HGH1: variants seen among roughly 807,000 people sequenced by gnomAD.
The protein encoded by HGH1 is co-chaperone protein HGH1 homolog.
HGH1 carries 31 observed loss-of-function variants against 31.7 expected under a neutral mutation model. That is an observed-to-expected ratio of 0.98 (90% CI 0.73 to 1.32). The LOEUF (loss-of-function observed/expected upper bound fraction) is 1.32. HGH1 is among the 40% of genes most tolerant of loss of function. The pLI, the probability that HGH1 is intolerant of heterozygous loss-of-function variation, is 0.00. For synonymous variants in HGH1, 284 were observed against 293.6 expected, an observed-to-expected ratio of 0.97 and a Z score of 0.34; for missense variants, 618 against 594.4, an observed-to-expected ratio of 1.04 and a Z score of -0.41.
At chr8:144,138,630 G>T (rs1285996416) in intron 2 of HGH1, 23 bp downstream of exon 2, 1 of 1,603,844 alleles carries the variant, frequency 6.2e-7, no homozygotes, top group African/African-American at 1.3e-5. Flanking sequence ...TGTGGCGGGG[G>T]TGCGTTGCCA....
In HGH1 at chr8:144,138,245, C is replaced by A; in HGVS notation, c.410C>A (p.Pro137Gln). The A allele has an allele frequency of 7.1e-7, 1 of 1,400,102 alleles. No homozygotes were observed. The allele number at this position is 1,400,102 out of a possible 1,614,324, so 86.7% of individuals were successfully genotyped here. The change falls in exon 1 of 6, where the codon CCG becomes CAG. Residue 137 changes from proline to glutamine, a missense_variant. Transcript: ENST00000347708. ...ALANLSREPA[P>Q]CAALMAALAA... ...GCCAACCTCAGTCGCGAGCCGGCGC[C>A]GTGTGCAGCGCTCATGGCGGCGCTG...
In HGH1 at chr8:144,140,149, C is replaced by G. The variant is rs1815169222; in HGVS notation, c.*597C>G. 6.2e-6 allele frequency: 1 copy of G among 161,848 alleles called. No individual in the cohort carries two copies. The highest frequency in any genetic ancestry group is 1.4e-5 in the Non-Finnish European group (1 of 73,050). The allele number at this position is 161,848 out of a possible 1,614,324, so 10.0% of individuals were successfully genotyped here. A position where few individuals can be genotyped will look rare whatever the true frequency, so the allele number is the denominator to read the frequency against. The stretch of plus-strand genomic sequence containing the variant: ...ACCCTTGTCAGCTCCCTAAGTCTTC[C>G]TGTTTCCCAGTCTCAGATTGAGTGG... On this transcript the variant is annotated 3_prime_UTR_variant, in exon 6 of 6. Transcript: ENST00000347708.
In HGH1 at chr8:144,137,839, G is replaced by T; in HGVS notation, c.4G>T (p.Gly2Trp). ...TGGCAGCAGAGTGTCGCTCGACATG[G>T]GGGAGGCCGGGGCTGGCGCTGGCGC... is the stretch of plus-strand genomic sequence containing the variant. M[G>W]EAGAGAGASG... is the part of the protein sequence containing the mutation. The change falls in exon 1 of 6, where the codon GGG (glycine) becomes TGG (tryptophan). Residue 2 changes from glycine (G) to tryptophan (W), a missense_variant. Physicochemically the swap from Gly to Trp is radical, Grantham distance 184. Coordinates refer to ENST00000347708, the MANE Select transcript of HGH1 (RefSeq NM_016458.4). 7.8e-7 allele frequency: 1 copy of T among 1,281,454 alleles called. No individual in the cohort carries two copies. The highest frequency in any genetic ancestry group is 9.8e-7 in the Non-Finnish European group (1 of 1,016,098). 79.4% of individuals were successfully genotyped at this position (1,281,454 alleles called of 1,614,324 possible).
chr8:144,139,246 C>T lies in HGH1; in HGVS notation c.943C>T (p.Leu315Phe), dbSNP rs1487911460. 2.5e-6 allele frequency: 4 copies of T among 1,613,862 alleles called. No homozygotes were observed. Among genetic ancestry groups the T allele is most frequent in the East Asian group, 2.2e-5 (1 of 44,904 alleles). ...QVRDQGAYLI[L>F]RELHSWEPEP... is the part of the protein sequence containing the mutation. ...GCGGGACCAGGGAGCCTACCTGATC[C>T]TTCGAGAGCTGCACAGCTGGGAGCC... Residue 315 changes from leucine (L) to phenylalanine (F), a missense_variant, in exon 5 of 6, where the codon CTT (leucine) becomes TTT (phenylalanine). Physicochemically the swap from Leu to Phe is conservative, Grantham distance 22. Coordinates refer to ENST00000347708, the MANE Select transcript of HGH1 (RefSeq NM_016458.4).
chr8:144,139,659 C>T lies in HGH1; in HGVS notation c.*107C>T. 1 of 1,456,212 alleles carries T rather than the reference C, an allele frequency of 6.9e-7. No individual in the cohort carries two copies. Among genetic ancestry groups the T allele is most frequent in the Non-Finnish European group, 9.3e-7 (1 of 1,078,876 alleles). The allele number at this position is 1,456,212 out of a possible 1,614,324, so 90.2% of individuals were successfully genotyped here. A position where few individuals can be genotyped will look rare whatever the true frequency, so the allele number is the denominator to read the frequency against. ...CCCCCTGGGTCCCCTTGTTCAGAGA[C>T]TGTGCTCTTCTGAGAAGCAGAGCTA... On this transcript the variant is annotated 3_prime_UTR_variant, in exon 6 of 6. Coordinates refer to ENST00000347708, the MANE Select transcript of HGH1 (RefSeq NM_016458.4).
chr8:144,139,407 C>T lies in HGH1; in HGVS notation c.1028C>T (p.Pro343Leu). The change falls in exon 6 of 6, where the codon CCT (proline) becomes CTT (leucine). Residue 343 changes from proline to leucine, a missense_variant. Physicochemically the swap from Pro to Leu is moderately conservative, Grantham distance 98 (BLOSUM62 -3). Transcript: ENST00000347708. ...KLIQVLIGDEPERGMENLLEV... is the reference protein window; with the variant it reads ...KLIQVLIGDELERGMENLLEV... ...TGGCAGGTGCTTATTGGGGACGAGC[C>T]TGAACGTGGCATGGAAAACCTGCTG... The T allele has an allele frequency of 1.2e-6, 2 of 1,612,564 alleles. No homozygotes were observed. The highest frequency in any genetic ancestry group is 1.3e-5 in the African/African-American group (1 of 75,038).
At position 144,138,257 on chromosome 8, in the gene HGH1, T is replaced by C. The variant is rs1300661476; in HGVS notation, c.422T>C (p.Leu141Pro). 7.0e-7 allele frequency: 1 copy of C among 1,438,756 alleles called. No individual in the cohort carries two copies. The highest frequency in any genetic ancestry group is 1.5e-5 in the African/African-American group (1 of 66,116). The allele number at this position is 1,438,756 out of a possible 1,614,324, so 89.1% of individuals were successfully genotyped here. Reference protein sequence around the residue: ...LSREPAPCAALMAALAAAEPA... With the variant: ...LSREPAPCAAPMAALAAAEPA... The stretch of plus-strand genomic sequence containing the variant: ...CGCGAGCCGGCGCCGTGTGCAGCGC[T>C]CATGGCGGCGCTGGCGGCCGCGGAG... The change falls in exon 1 of 6, where the codon CTC becomes CCC. Residue 141 changes from leucine (L) to proline (P), a missense_variant. Coordinates refer to ENST00000347708, the MANE Select transcript of HGH1 (RefSeq NM_016458.4).
chr8:144,138,507 G>A lies in HGH1; in HGVS notation c.594G>A (p.Arg198=). The A allele has an allele frequency of 6.2e-7, 1 of 1,609,782 alleles. No individual in the cohort carries two copies. The highest frequency in any genetic ancestry group is 2.2e-5 in the East Asian group (1 of 44,800). ...AARAFLLDPD[R]CVVQRLLPLT... ...GGCCCTAAGTGACACCTCCCAACAG[G>A]TGCGTGGTCCAGCGGCTGCTGCCCC... Residue 198 remains arginine (R), a splice_region_variant and synonymous_variant, in exon 2 of 6, where the codon AGG becomes AGA. Coordinates refer to ENST00000347708, the MANE Select transcript of HGH1 (RefSeq NM_016458.4).
chr8:144,139,804 G>T lies in HGH1; in HGVS notation c.*252G>T, dbSNP rs1280901337. The stretch of plus-strand genomic sequence containing the variant: ...TAGGCACCGTGACTCGGCTGCCTGT[G>T]CAGAAGGTGGAGGTGGCAGGCGGAT... On this transcript the variant is annotated 3_prime_UTR_variant, in exon 6 of 6. Transcript: ENST00000347708. 4.9e-5 allele frequency: 30 copies of T among 613,900 alleles called. No individual in the cohort carries two copies. The highest frequency in any genetic ancestry group is 4.8e-4 in the Admixed American group (16 of 32,996). 38.0% of individuals were successfully genotyped at this position (613,900 alleles called of 1,614,324 possible).
chr8:144,138,290 A>T lies in HGH1; in HGVS notation c.455A>T (p.Asp152Val). The T allele has an allele frequency of 2.7e-6, 4 of 1,501,928 alleles. No homozygotes were observed. The highest frequency in any genetic ancestry group is 3.5e-6 in the Non-Finnish European group (4 of 1,135,348). 93.0% of individuals were successfully genotyped at this position (1,501,928 alleles called of 1,614,324 possible). The stretch of plus-strand genomic sequence containing the variant: ...GCGCTGGCGGCCGCGGAGCCGGCAG[A>T]CTCGGGCCTGGAGCGGCTGGTGCGC... Reference protein sequence around the residue: ...MAALAAAEPADSGLERLVRAL... With the variant: ...MAALAAAEPAVSGLERLVRAL... Residue 152 changes from aspartate (D) to valine (V), a missense_variant, in exon 1 of 6, where the codon GAC becomes GTC. By Grantham distance (152) the Asp-to-Val change is radical. Coordinates refer to ENST00000347708, the MANE Select transcript of HGH1 (RefSeq NM_016458.4).
Position 144,139,642 on chromosome 8 carries a change from G to A in HGH1, c.*90G>A. 1 of 1,523,538 alleles carries A rather than the reference G, an allele frequency of 6.6e-7. No homozygotes were observed. Among genetic ancestry groups the A allele is most frequent in the South Asian group, 1.2e-5 (1 of 83,268 alleles). 94.4% of individuals were successfully genotyped at this position (1,523,538 alleles called of 1,614,324 possible). On this transcript the variant is annotated 3_prime_UTR_variant, in exon 6 of 6. Transcript: ENST00000347708. ...CTGCAGCTGTCTGCAGGCCCCCTGG[G>A]TCCCCTTGTTCAGAGACTGTGCTCT...
intron 4 of HGH1, 43 bp from the exon 5 acceptor site, chr8:144,139,146 C>T: frequency 3.7e-6 from 6 of 1,614,018 alleles, no homozygotes; most frequent in Non-Finnish European, 5.1e-6. Flanking sequence ...AACACACACA[C>T]ATGAGCATGC....
chr8:144,137,960 T>C lies in HGH1; in HGVS notation c.125T>C (p.Val42Ala). Reference protein sequence around the residue: ...GARADLQAAAVRHVLALTGCG... With the variant: ...GARADLQAAAARHVLALTGCG... The stretch of plus-strand genomic sequence containing the variant: ...CGGGCGGACCTGCAGGCGGCGGCGG[T>C]GCGGCACGTGCTGGCGCTGACTGGC... Residue 42 changes from valine (V) to alanine (A), a missense_variant, in exon 1 of 6, where the codon GTG (valine) becomes GCG (alanine). Transcript: ENST00000347708. 1 of 1,334,124 alleles carries C rather than the reference T, an allele frequency of 7.5e-7. No homozygotes were observed. Among genetic ancestry groups the C allele is most frequent in the Non-Finnish European group, 9.6e-7 (1 of 1,045,100 alleles). 82.6% of individuals were successfully genotyped at this position (1,334,124 alleles called of 1,614,324 possible).
In HGH1 at chr8:144,138,626, G is replaced by A; in HGVS notation, c.694+19G>A. ...GAGCACCGTGAGTGGTGGGTGTGGCGGGGGTGCGTTGCCAGGTGTGGGGAC... is the reference window on the plus strand; with the variant it reads ...GAGCACCGTGAGTGGTGGGTGTGGCAGGGGTGCGTTGCCAGGTGTGGGGAC... On this transcript the variant is annotated intron_variant, in intron 2 of 5. Coordinates refer to ENST00000347708, the MANE Select transcript of HGH1 (RefSeq NM_016458.4). 7 of 1,603,616 alleles carry A rather than the reference G, an allele frequency of 4.4e-6. No homozygotes were observed. Among genetic ancestry groups the A allele is most frequent in the Non-Finnish European group, 6.0e-6 (7 of 1,174,998 alleles).
chr8:144,139,742 A>G lies in HGH1; in HGVS notation c.*190A>G. 1 of 817,586 alleles carries G rather than the reference A, an allele frequency of 1.2e-6. No homozygotes were observed. The allele number at this position is 817,586 out of a possible 1,614,324, so 50.6% of individuals were successfully genotyped here. ...TCCAGCCCTGTGCAGTGTTGCTACC[A>G]GCAAGAATGAAGGTTGTGCAGAGCA... On this transcript the variant is annotated 3_prime_UTR_variant, in exon 6 of 6. Coordinates refer to ENST00000347708, the MANE Select transcript of HGH1 (RefSeq NM_016458.4).
At position 144,137,868 on chromosome 8, in the gene HGH1, G is replaced by A. The variant is rs1187902240; in HGVS notation, c.33G>A (p.Ser11=). 19 of 1,296,602 alleles carry A rather than the reference G, an allele frequency of 1.5e-5. No individual in the cohort carries two copies. Among genetic ancestry groups the A allele is most frequent in the Non-Finnish European group, 1.8e-5 (18 of 1,025,156 alleles). 80.3% of individuals were successfully genotyped at this position (1,296,602 alleles called of 1,614,324 possible). ...AGGCCGGGGCTGGCGCTGGCGCCTC[G>A]GGAGGGCCGGAGGCAAGCCCGGAGG... MGEAGAGAGA[S]GGPEASPEAE... The change falls in exon 1 of 6, where the codon TCG becomes TCA. Residue 11 remains serine, a synonymous_variant. Transcript: ENST00000347708.
In HGH1 at chr8:144,139,835, G is replaced by T; in HGVS notation, c.*283G>T. 1.7e-6 allele frequency: 1 copy of T among 574,190 alleles called. No homozygotes were observed. Among genetic ancestry groups the T allele is most frequent in the East Asian group, 3.0e-5 (1 of 33,482 alleles). 35.6% of individuals were successfully genotyped at this position (574,190 alleles called of 1,614,324 possible). ...GGTGGAGGTGGCAGGCGGATGGCCA[G>T]GGAGCCATGAGAAGACTCTTCCTGG... On this transcript the variant is annotated 3_prime_UTR_variant, in exon 6 of 6. Coordinates refer to ENST00000347708, the MANE Select transcript of HGH1 (RefSeq NM_016458.4).
chr8:144,138,111 C>T lies in HGH1; in HGVS notation c.276C>T (p.Pro92=). 7.5e-7 allele frequency: 1 copy of T among 1,330,826 alleles called. No individual in the cohort carries two copies. Among genetic ancestry groups the T allele is most frequent in the South Asian group, 1.7e-5 (1 of 58,442 alleles). The allele number at this position is 1,330,826 out of a possible 1,614,324, so 82.4% of individuals were successfully genotyped here. A position where few individuals can be genotyped will look rare whatever the true frequency, so the allele number is the denominator to read the frequency against. The change falls in exon 1 of 6, where the codon CCC becomes CCT. Residue 92 remains proline (P), a synonymous_variant. Transcript: ENST00000347708. ...CGCTCGTGAACTTGGCCGCCGACCC[C>T]GGCCTGCACGAGACATTGCTGGCGG... is the stretch of plus-strand genomic sequence containing the variant. ...ARALVNLAAD[P]GLHETLLAAD...
At position 144,138,314 on chromosome 8, in the gene HGH1, G is replaced by A; in HGVS notation, c.479G>A (p.Arg160His). ...GACTCGGGCCTGGAGCGGCTGGTGC[G>A]CGCGCTGTGCACGCCCGGCTACAAC... is the stretch of plus-strand genomic sequence containing the variant. ...PADSGLERLV[R>H]ALCTPGYNAR... The change falls in exon 1 of 6, where the codon CGC becomes CAC. Residue 160 changes from arginine to histidine, a missense_variant. Physicochemically the swap from Arg to His is conservative, Grantham distance 29. Transcript: ENST00000347708. The A allele has an allele frequency of 6.5e-7, 1 of 1,530,734 alleles. No individual in the cohort carries two copies. The highest frequency in any genetic ancestry group is 1.2e-5 in the South Asian group (1 of 83,932). The allele number at this position is 1,530,734 out of a possible 1,614,324, so 94.8% of individuals were successfully genotyped here.
Sources: gnomAD v4.1 joint callset for allele counts on GRCh38, gnomAD v4.1.1 for gene constraint, MANE v1.5 for transcripts, NCBI Gene and HGNC (gene_info 2026-07-23, HGNC 2026-07-21) for gene names.